ARMH4: variants seen among roughly 807,000 people sequenced by gnomAD.
The protein encoded by ARMH4 is armadillo like helical domain containing 4.
In ARMH4, 49 loss-of-function variants were observed where a neutral mutation model predicts 61.9. The observed-to-expected ratio is 0.79, with a 90% CI of 0.63 to 1.00. ARMH4 has a LOEUF of 1.00. Ranked by LOEUF, ARMH4 falls within the 50% of genes least tolerant of loss-of-function variation. The pLI is 0.00. For missense variants in ARMH4, 934 were observed against 930.0 expected, an observed-to-expected ratio of 1.00 and a Z score of -0.06; for synonymous variants, 368 against 341.5, an observed-to-expected ratio of 1.08 and a Z score of -0.85.
chr14:58,048,222 C>T (rs1353087605), intron 5 of ARMH4, among the ~76,000 whole-genome samples: 1 of 152,192 alleles, frequency 6.6e-6, no homozygotes, highest in East Asian at 1.9e-4. Context: ...AAACCCAAGA[C>T]CCCTTATCAA....
chr14:58,056,032 A>G (rs1483229635), intron 5 of ARMH4, among the ~76,000 whole-genome samples: 1 of 152,228 alleles, frequency 6.6e-6, no homozygotes, highest in Non-Finnish European at 1.5e-5. Flanking sequence ...AGGTGAGAAT[A>G]TTTCCTTTTA....
chr14:58,026,504 C>T (rs1488642661), intron 5 of ARMH4, among the ~76,000 whole-genome samples: 1 of 152,086 alleles, frequency 6.6e-6, no homozygotes, highest in East Asian at 1.9e-4. Context: ...ACCTGATCTT[C>T]AATTCATTGG....
chr14:58,017,691 G>A (rs547903031), intron 5 of ARMH4, among the ~76,000 whole-genome samples: 4 of 152,180 alleles, frequency 2.6e-5, no homozygotes, highest in African/African-American at 9.6e-5. Flanking sequence ...TTATTTAAAT[G>A]TCCATATAAT....
intron 2 of ARMH4, among the ~76,000 whole-genome samples, chr14:58,134,196 G>A (rs1887225356): frequency 6.6e-6 from 1 of 152,218 alleles, no homozygotes; most frequent in Admixed American, 6.5e-5. Context: ...GCATGCCTTT[G>A]TTCACATTGC....
At chr14:58,087,759 C>T (rs1566574060) in intron 5 of ARMH4, among the ~76,000 whole-genome samples, 1 of 152,168 alleles carries the variant, frequency 6.6e-6, no homozygotes, top group Non-Finnish European at 1.5e-5. Context: ...GGACAACCCA[C>T]AAAATTATCT....
intron 5 of ARMH4, among the ~76,000 whole-genome samples, chr14:58,013,787 C>T (rs971411493): frequency 6.6e-6 from 1 of 152,038 alleles, no homozygotes; most frequent in Non-Finnish European, 1.5e-5. Flanking sequence ...CACCTGTAAC[C>T]CCAGCACTTG....
chr14:58,038,713 C>T (rs1883575793), intron 5 of ARMH4, among the ~76,000 whole-genome samples: 1 of 152,014 alleles, frequency 6.6e-6, no homozygotes, highest in Non-Finnish European at 1.5e-5. Context: ...TAGTGATGAG[C>T]ATAAATGACA....
chr14:58,031,290 G>A (rs748481760), intron 5 of ARMH4, among the ~76,000 whole-genome samples: 4 of 152,112 alleles, frequency 2.6e-5, no homozygotes, highest in Non-Finnish European at 2.9e-5. Context: ...ATACTTTTAT[G>A]AGTTGCCTAT....
intron 5 of ARMH4, among the ~76,000 whole-genome samples, chr14:58,061,434 C>T (rs1884526985): frequency 6.6e-6 from 1 of 152,168 alleles, no homozygotes; most frequent in Non-Finnish European, 1.5e-5. Context: ...GCCCACCTCA[C>T]TGCCTGCCTA....
At chr14:58,064,583 T>C (rs989944684) in intron 5 of ARMH4, among the ~76,000 whole-genome samples, 2 of 152,170 alleles carry the variant, frequency 1.3e-5, no homozygotes, top group Non-Finnish European at 2.9e-5. Context: ...ACCAGAGCAA[T>C]GTGACAAAGA....
chr14:58,080,500 C>T lies in ARMH4; in HGVS notation c.2089+16224G>A, dbSNP rs538788487. On this transcript the variant is annotated intron_variant, in intron 5 of 7. Coordinates refer to ENST00000267485, the MANE Select transcript of ARMH4 (RefSeq NM_001001872.4). ...GATGAGAAGGACCAAACGAATGTAGCCCTAATAGAAGTAGATATTATAAAA... is the reference window on the plus strand; with the variant it reads ...GATGAGAAGGACCAAACGAATGTAGTCCTAATAGAAGTAGATATTATAAAA... Among the ~76,000 whole-genome samples the T allele has an allele frequency of 2.8e-3, 432 of 152,142 alleles. 1 individual carries two copies. Among genetic ancestry groups the T allele is most frequent in the Non-Finnish European group, 4.9e-3 (330 of 68,014 alleles).
intron 5 of ARMH4, among the ~76,000 whole-genome samples, chr14:58,085,375 A>G (rs1885347034): frequency 8.6e-6 from 1 of 116,602 alleles, no homozygotes; most frequent in South Asian, 2.6e-4. Context: ...AATTCCCAGA[A>G]GAGCCTACTA....
chr14:58,088,085 A>G (rs569783566), intron 5 of ARMH4, among the ~76,000 whole-genome samples: 3 of 152,298 alleles, frequency 2.0e-5, no homozygotes, highest in African/African-American at 7.2e-5. Flanking sequence ...CCTATTTATA[A>G]CCTACGTCAT....
chr14:58,149,462 G>T (rs1326414541), intron 1 of ARMH4, among the ~76,000 whole-genome samples: 1 of 152,252 alleles, frequency 6.6e-6, no homozygotes, highest in Non-Finnish European at 1.5e-5. Context: ...TGGCAGGGAA[G>T]AGGGTAAGTA....
At chr14:58,077,877 C>T (rs989771445) in intron 5 of ARMH4, among the ~76,000 whole-genome samples, 1 of 152,184 alleles carries the variant, frequency 6.6e-6, no homozygotes, top group Admixed American at 6.5e-5. Context: ...CCACCCTTTG[C>T]TTCCTCATCA....
intron 5 of ARMH4, among the ~76,000 whole-genome samples, chr14:58,032,475 T>G (rs544433078): frequency 6.6e-6 from 1 of 152,292 alleles, no homozygotes; most frequent in East Asian, 1.9e-4. Context: ...AGAACACTAT[T>G]TATAAATGCA....
At chr14:58,092,773 T>C (rs1261695249) in intron 5 of ARMH4, among the ~76,000 whole-genome samples, 4 of 151,828 alleles carry the variant, frequency 2.6e-5, no homozygotes, top group African/African-American at 9.7e-5. Flanking sequence ...GCCCACCCAA[T>C]AATCCAGGAT....
intron 4 of ARMH4, among the ~76,000 whole-genome samples, chr14:58,119,707 T>C (rs11845198): frequency 1.9e-3 from 289 of 152,334 alleles, no homozygotes; most frequent in African/African-American, 6.3e-3. Context: ...TCTAGTTTAC[T>C]GTAAACTAGA....
In ARMH4 at chr14:58,096,825, G is replaced by A. The variant is rs765998834; in HGVS notation, c.1988C>T (p.Ser663Phe). Residue 663 changes from serine to phenylalanine, a missense_variant, in exon 5 of 8, where the codon TCC (serine) becomes TTC (phenylalanine). Transcript: ENST00000267485. Reference sequence around the variant, plus strand: ...TCCCTCCTCTAAGCCTGGTTCCTGGGATGTGATACCAGGGAGGGTAAAACC... The same window carrying A: ...TCCCTCCTCTAAGCCTGGTTCCTGGAATGTGATACCAGGGAGGGTAAAACC... The part of the protein sequence containing the change: ...LPGFTLPGIT[S>F]QEPGLEEGNM... 4.3e-6 allele frequency: 7 copies of A among 1,614,054 alleles called. No homozygotes were observed. The highest frequency in any genetic ancestry group is 5.9e-6 in the Non-Finnish European group (7 of 1,180,006).
Sources: gnomAD v4.1 joint callset for allele counts (sites outside exome capture counted in the v4.1 genomes callset) on GRCh38, gnomAD v4.1.1 for gene constraint, MANE v1.5 for transcripts, NCBI Gene and HGNC (gene_info 2026-07-23, HGNC 2026-07-21) for gene names.